The following THBS4 variants were observed in gnomAD, a reference collection of about 807,000 sequenced individuals.
THBS4 encodes thrombospondin 4.
THBS4 carries 90 observed loss-of-function variants against 115.7 expected under a neutral mutation model. The ratio of observed to expected loss-of-function variants is 0.78; its 90% CI spans 0.66 to 0.93. The LOEUF (loss-of-function observed/expected upper bound fraction) is 0.93. Among genes scored for constraint, THBS4 ranks in the 40% least tolerant of loss-of-function variants. The pLI, the probability that THBS4 is intolerant of heterozygous loss-of-function variation, is 0.00. For missense variants in THBS4, 1,087 were observed against 1,232.7 expected (o/e 0.88, Z 1.77); for synonymous variants, 460 against 479.3 (o/e 0.96, Z 0.53).
At position 80,035,443 on chromosome 5, in the gene THBS4, G is replaced by C. The variant is rs934296745; in HGVS notation, c.-95G>C. 3 of 874,184 alleles carry C rather than the reference G, an allele frequency of 3.4e-6. No homozygotes were observed. The African/African-American group carries it at 5.3e-5, about 15-fold the overall frequency. The allele number at this position is 874,184 out of a possible 1,614,324, so 54.2% of individuals were successfully genotyped here. Reference sequence around the variant, plus strand: ...ACGGGTCACCTGCGGCGCCGGCCCGGGCGCCGACCGAGGTTCAACGCACGG... The same window carrying C: ...ACGGGTCACCTGCGGCGCCGGCCCGCGCGCCGACCGAGGTTCAACGCACGG... On this transcript the variant is annotated 5_prime_UTR_variant, in exon 1 of 22. Transcript: ENST00000350881. This position sits in a 1 kb window ranked among gnomAD's most constrained non-coding sequence, Gnocchi z 4.6.
At chr5:80,028,568 C>T (rs1561298585) in intron 2 of THBS4, among the ~76,000 whole-genome samples, 1 of 151,974 alleles carries the variant, frequency 6.6e-6, no homozygotes, top group Non-Finnish European at 1.5e-5. Flanking sequence ...AAGCGATTCT[C>T]CTGCCTCAGC....
At chr5:80,055,435 T>C (rs1023120877) in intron 2 of THBS4, among the ~76,000 whole-genome samples, 4 of 152,228 alleles carry the variant, frequency 2.6e-5, no homozygotes, top group Non-Finnish European at 4.4e-5. Flanking sequence ...TGCTCTACGC[T>C]TATATAGAGT....
intron 17 of THBS4, 137 bp downstream of exon 17, chr5:80,078,364 A>T (rs1003922542): frequency 3.1e-5 from 20 of 643,538 alleles, no homozygotes; most frequent in Admixed American, 7.3e-5. Flanking sequence ...CAACAGCCCT[A>T]TGACAGACTA....
chr5:80,000,600 A>C (rs946332067), intron 2 of THBS4, among the ~76,000 whole-genome samples: 2 of 152,188 alleles, frequency 1.3e-5, no homozygotes, highest in Non-Finnish European at 2.9e-5. Context: ...TAAGGCTGTC[A>C]TGAATAAGCA....
At chr5:80,009,615 T>C (rs1429776648) in intron 2 of THBS4, among the ~76,000 whole-genome samples, 2 of 151,694 alleles carry the variant, frequency 1.3e-5, no homozygotes, top group Non-Finnish European at 2.9e-5. Context: ...GATTGCCAGA[T>C]TGGAGTGAAA....
At chr5:80,052,325 G>A (rs1833281833) in intron 2 of THBS4, 1 of 151,946 alleles carries the variant, frequency 6.6e-6, no homozygotes, top group African/African-American at 2.4e-5. Flanking sequence ...TATTTAAGGG[G>A]TACATGTGAA....
intron 2 of THBS4, among the ~76,000 whole-genome samples, chr5:80,047,275 A>G (rs1833098754): frequency 1.3e-5 from 2 of 152,194 alleles, no homozygotes; most frequent in Admixed American, 6.5e-5. Context: ...GCCACATCTA[A>G]TACTGTGTCT....
intron 15 of THBS4, 150 bp from the exon 16 acceptor site, chr5:80,076,705 C>T: frequency 1.5e-6 from 1 of 682,700 alleles, no homozygotes; most frequent in South Asian, 4.2e-5. Flanking sequence ...ATAGGGCAGC[C>T]TTATCTAAGG....
chr5:80,079,197 A>G lies in THBS4; in HGVS notation c.2450A>G (p.Glu817Gly). The G allele has an allele frequency of 6.2e-7, 1 of 1,614,178 alleles. No individual in the cohort carries two copies. Among genetic ancestry groups the G allele is most frequent in the Non-Finnish European group, 8.5e-7 (1 of 1,180,016 alleles). Residue 817 changes from glutamate (E) to glycine (G), a missense_variant, in exon 19 of 22, where the codon GAG (glutamate) becomes GGG (glycine). By Grantham distance (98) the Glu-to-Gly change is moderately conservative. This residue lies in a region of THBS4 where 979 missense variants were observed against 1,103.7 expected (regional missense o/e 0.89). Transcript: ENST00000350881. Reference protein sequence around the residue: ...SFYVVMWKQTEQTYWQATPFR... With the variant: ...SFYVVMWKQTGQTYWQATPFR... ...TACGTGGTCATGTGGAAGCAGACGG[A>G]GCAGACATATTGGCAAGCCACCCCA...
intron 1 of THBS4, among the ~76,000 whole-genome samples, chr5:80,036,874 G>T (rs1360350432): frequency 2.0e-5 from 3 of 152,152 alleles, no homozygotes; most frequent in African/African-American, 7.2e-5. Context: ...CTATGAGGGC[G>T]TTCTCAACTT....
At chr5:80,069,331 A>G (rs1833948771) in intron 10 of THBS4, among the ~76,000 whole-genome samples, 1 of 152,236 alleles carries the variant, frequency 6.6e-6, no homozygotes, top group African/African-American at 2.4e-5. Context: ...GGCAATACAG[A>G]TATTCTGTAA....
At chr5:80,002,353 G>A (rs999060007) in intron 2 of THBS4, among the ~76,000 whole-genome samples, 1 of 152,044 alleles carries the variant, frequency 6.6e-6, no homozygotes, top group African/African-American at 2.4e-5. Context: ...TAGCATTGGA[G>A]ACTGACATAC....
intron 2 of THBS4, among the ~76,000 whole-genome samples, chr5:80,021,865 A>T (rs1382648846): frequency 6.6e-6 from 1 of 152,114 alleles, no homozygotes; most frequent in African/African-American, 2.4e-5. Context: ...ATTTCCACAA[A>T]TTTTTAAATT....
chr5:80,027,971 C>A (rs893457884), intron 2 of THBS4, among the ~76,000 whole-genome samples: 10 of 151,794 alleles, frequency 6.6e-5, no homozygotes, highest in Admixed American at 1.3e-4. Flanking sequence ...CTCTATTCGA[C>A]CTAAATCAAA....
intron 1 of THBS4, among the ~76,000 whole-genome samples, chr5:79,995,972 T>A (rs1265738502): frequency 7.0e-6 from 1 of 143,048 alleles, no homozygotes. Flanking sequence ...CAATCTCTAC[T>A]AAAAAAAAAA....
rs1413529327 is a variant in THBS4 at position 80,079,043 on chromosome 5, T to C, written c.2315-19T>C. On this transcript the variant is annotated intron_variant, in intron 18 of 21. Transcript: ENST00000350881. Reference sequence around the variant, plus strand: ...TAGTGTGGTTTGTCTATTGTTCTAATCTTATCTGGTCCCTACAGGGTACAC... The same window carrying C: ...TAGTGTGGTTTGTCTATTGTTCTAACCTTATCTGGTCCCTACAGGGTACAC... The C allele has an allele frequency of 6.2e-7, 1 of 1,612,154 alleles. No individual in the cohort carries two copies. Among genetic ancestry groups the C allele is most frequent in the East Asian group, 2.2e-5 (1 of 44,826 alleles).
intron 15 of THBS4, among the ~76,000 whole-genome samples, chr5:80,074,068 T>C (rs1044836827): frequency 2.0e-5 from 3 of 152,196 alleles, no homozygotes; most frequent in Non-Finnish European, 2.9e-5. Context: ...GAAGATTGAG[T>C]TGATCCATGG....
upstream of THBS4, among the ~76,000 whole-genome samples, chr5:80,034,766 T>G (rs1832656008): frequency 6.6e-6 from 1 of 152,164 alleles, no homozygotes; most frequent in Admixed American, 6.6e-5. Context: ...CTTTCAAACT[T>G]TCACTGTGTC....
chr5:80,017,657 A>G (rs1832277761), intron 2 of THBS4, among the ~76,000 whole-genome samples: 1 of 152,116 alleles, frequency 6.6e-6, no homozygotes, highest in South Asian at 2.1e-4. Flanking sequence ...TTATATGGCC[A>G]GTGTTGAAGT....
Sources: gnomAD v4.1 joint callset for allele counts (sites outside exome capture counted in the v4.1 genomes callset) on GRCh38, gnomAD v4.1.1 for gene constraint, gnomAD v4.1.1 regional missense constraint, Gnocchi (gnomAD v3.1) non-coding constraint, MANE v1.5 for transcripts, NCBI Gene and HGNC (gene_info 2026-07-23, HGNC 2026-07-21) for gene names.